The following N4BP2L2 variants were observed in gnomAD, a reference collection of about 807,000 sequenced individuals.
N4BP2L2 encodes NEDD4-binding protein 2-like 2.
Under a neutral mutation model 56.2 loss-of-function variants are expected in N4BP2L2, and 50 were observed. That is an observed-to-expected ratio of 0.89 (90% CI 0.71 to 1.13). The LOEUF is 1.13. Among genes scored for constraint, N4BP2L2 ranks in the 50% most tolerant of loss-of-function variants. The pLI, the probability that N4BP2L2 is intolerant of heterozygous loss-of-function variation, is 0.00. For synonymous variants in N4BP2L2, 203 were observed against 223.6 expected (o/e 0.91, Z 0.82); for missense variants, 689 against 693.8 (o/e 0.99, Z 0.08).
At chr13:32,519,875 A>T (rs527970149) in intron 5 of N4BP2L2, among the ~76,000 whole-genome samples, 1 of 152,332 alleles carries the variant, frequency 6.6e-6, no homozygotes, top group South Asian at 2.1e-4. Flanking sequence ...AATAAATTTT[A>T]ACAATTCCTC....
At chr13:32,518,806 G>T (rs1367041390) in intron 5 of N4BP2L2, among the ~76,000 whole-genome samples, 1 of 152,098 alleles carries the variant, frequency 6.6e-6, no homozygotes, top group Non-Finnish European at 1.5e-5. Flanking sequence ...TGTTGATCTT[G>T]TAAGAACTTT....
At chr13:32,493,319 T>C (rs548007213) in intron 6 of N4BP2L2, among the ~76,000 whole-genome samples, 20 of 151,930 alleles carry the variant, frequency 1.3e-4, no homozygotes, top group African/African-American at 4.4e-4. Context: ...TGCCTCTATC[T>C]ATTTGTGTAT....
At position 32,443,682 on chromosome 13, in the gene N4BP2L2, TACAC is replaced by T. The variant is rs1269200390; in HGVS notation, c.806_809del (p.Cys269Ter). 1.1e-5 allele frequency: 18 copies of T among 1,608,020 alleles called. No homozygotes were observed. The highest frequency in any genetic ancestry group is 1.1e-4 in the East Asian group (5 of 44,838). ...TCATGCCAGAGCAGTCATCAGTTGT[TACAC>T]AGGAAAGGTTTTGAGTCAGTATTGG... On this transcript the variant is annotated frameshift_variant, in exon 7 of 10. Transcript: ENST00000357505. LOFTEE classifies it high-confidence loss of function.
intron 6 of N4BP2L2, among the ~76,000 whole-genome samples, chr13:32,501,824 T>C (rs1363309587): frequency 6.6e-6 from 1 of 150,492 alleles, no homozygotes; most frequent in South Asian, 2.1e-4. Context: ...CTGTGAGAGA[T>C]AGGGAGACTC....
At chr13:32,505,618 C>T (rs1566141680), downstream of N4BP2L2, 1 of 152,208 alleles carries the variant, frequency 6.6e-6, no homozygotes, top group Non-Finnish European at 1.5e-5. Context: ...TCAAGTTCAT[C>T]ACTTTGTAAG....
In N4BP2L2 at chr13:32,482,338, C is replaced by A. The variant is rs141390622; in HGVS notation, c.365+35519G>T. 2.0e-5 allele frequency among the ~76,000 whole-genome samples: 3 copies of A among 152,042 alleles called. No individual in the cohort carries two copies. The East Asian group carries it at 5.8e-4, about 29-fold the overall frequency. On this transcript the variant is annotated intron_variant, in intron 6 of 9. Transcript: ENST00000357505. ...GTTATAGTGGGGTTTACATACCTAGCGTGATTATAATTAAACTGATTACTT... is the reference window on the plus strand; with the variant it reads ...GTTATAGTGGGGTTTACATACCTAGAGTGATTATAATTAAACTGATTACTT...
intron 6 of N4BP2L2, among the ~76,000 whole-genome samples, chr13:32,473,444 T>A (rs1434875774): frequency 6.6e-6 from 1 of 151,928 alleles, no homozygotes; most frequent in African/African-American, 2.4e-5. Context: ...AGAAAAAAAA[T>A]AAAGCTATAA....
exon 6 of N4BP2L2, chr13:32,517,231 C>T (rs2139907281): frequency 1.0e-6 from 1 of 985,842 alleles, no homozygotes; most frequent in Non-Finnish European, 1.2e-6. Flanking sequence ...CCCCAGGTGA[C>T]TGATATACCT....
At chr13:32,517,114 A>AGAAC in exon 6 of N4BP2L2, 1 of 983,680 alleles carries the variant, frequency 1.0e-6, no homozygotes. Flanking sequence ...GAATCACTTT[A>AGAAC]TCCCTTCAAG....
exon 6 of N4BP2L2, chr13:32,517,416 T>C: frequency 1.0e-6 from 1 of 998,532 alleles, no homozygotes; most frequent in Non-Finnish European, 1.2e-6. Flanking sequence ...TTTAAGGTAG[T>C]GAAGGAAAAA....
In N4BP2L2 at chr13:32,444,387, C is replaced by T. The variant is rs545940541; in HGVS notation, c.366-261G>A. On this transcript the variant is annotated intron_variant, in intron 6 of 9. Transcript: ENST00000357505. ...TCAAGCAATTCTCCTGCCTCATCCTCGCAAGTAGCTGGTATTATGGGTGCC... is the reference window on the plus strand; with the variant it reads ...TCAAGCAATTCTCCTGCCTCATCCTTGCAAGTAGCTGGTATTATGGGTGCC... Among the ~76,000 whole-genome samples the T allele has an allele frequency of 5.3e-5, 8 of 152,250 alleles. No individual in the cohort carries two copies. In the South Asian group the frequency reaches 1.2e-3, roughly 24 times the overall value.
chr13:32,538,680 A>C, exon 1 of N4BP2L2: 1 of 985,504 alleles, frequency 1.0e-6, no homozygotes, highest in Non-Finnish European at 1.2e-6. Context: ...GGAAGACACG[A>C]ACCTCTGTGA....
chr13:32,478,801 CTG>C (rs1380615010), intron 6 of N4BP2L2: 2 of 152,102 alleles, frequency 1.3e-5, no homozygotes, highest in African/African-American at 4.8e-5. Context: ...GCGAGTACAA[CTG>C]TACAAGACAG....
At chr13:32,497,199 G>A (rs1259143845) in intron 6 of N4BP2L2, among the ~76,000 whole-genome samples, 1 of 152,172 alleles carries the variant, frequency 6.6e-6, no homozygotes, top group African/African-American at 2.4e-5. Context: ...AACATGAGTT[G>A]AGGAGAACCT....
At chr13:32,538,533 G>T in intron 1 of N4BP2L2, 85 bp downstream of exon 1, 1 of 771,188 alleles carries the variant, frequency 1.3e-6, no homozygotes, top group Non-Finnish European at 1.6e-6. Context: ...TACGTTTACA[G>T]CTAATCTAAA....
At chr13:32,490,331 T>C (rs574067029) in intron 6 of N4BP2L2, among the ~76,000 whole-genome samples, 3 of 151,986 alleles carry the variant, frequency 2.0e-5, no homozygotes, top group African/African-American at 7.2e-5. Flanking sequence ...GGAGATGGAG[T>C]TTCGCTCTCG....
At chr13:32,494,097 C>G (rs963671142) in intron 6 of N4BP2L2, among the ~76,000 whole-genome samples, 2 of 151,910 alleles carry the variant, frequency 1.3e-5, no homozygotes, top group Non-Finnish European at 2.9e-5. Flanking sequence ...CATGGTGAAA[C>G]ACCATGTCTA....
At chr13:32,499,366 TA>T (rs2089515343) in intron 6 of N4BP2L2, among the ~76,000 whole-genome samples, 1 of 152,214 alleles carries the variant, frequency 6.6e-6, no homozygotes, top group Non-Finnish European at 1.5e-5. Context: ...TTCCATCTGT[TA>T]CTTCCTTACT....
At chr13:32,478,683 T>C (rs1168014050) in intron 6 of N4BP2L2, 1 of 152,326 alleles carries the variant, frequency 6.6e-6, no homozygotes. Flanking sequence ...TCAGGAGACA[T>C]TAACCCATCT....
Sources: gnomAD v4.1 joint callset for allele counts (sites outside exome capture counted in the v4.1 genomes callset) on GRCh38, gnomAD v4.1.1 for gene constraint, MANE v1.5 for transcripts, NCBI Gene and HGNC (gene_info 2026-07-23, HGNC 2026-07-21) for gene names.